Variants in SLC5A3 observed in about 807,000 individuals in gnomAD.
The protein encoded by SLC5A3 is sodium/myo-inositol cotransporter.
SLC5A3 carries 10 observed loss-of-function variants against 43.2 expected under a neutral mutation model. The observed-to-expected ratio is 0.23, with a 90% CI of 0.14 to 0.39. SLC5A3 has a LOEUF of 0.39. Ranked by LOEUF, SLC5A3 falls within the 10% of genes least tolerant of loss-of-function variation. The pLI, the probability that SLC5A3 is intolerant of heterozygous loss-of-function variation, is 1.00. For missense variants in SLC5A3, 608 were observed against 893.4 expected (o/e 0.68, Z 4.07); for synonymous variants, 349 against 322.0 (o/e 1.08, Z -0.90).
In SLC5A3 at chr21:34,103,875, TA is replaced by T. The variant is rs1185520599; in HGVS notation, c.*6521del. ...GCTAAAATGGGGTTTGAGGGCTTTT[TA>T]CTGCAACTTGAAACTGGAGAAATAG... On this transcript the variant is annotated 3_prime_UTR_variant, in exon 2 of 2. Coordinates refer to ENST00000381151, the MANE Select transcript of SLC5A3 (RefSeq NM_006933.7). 1 of 1,000,114 alleles carries T rather than the reference TA, an allele frequency of 1.0e-6. No homozygotes were observed. The highest frequency in any genetic ancestry group is 1.2e-6 in the Non-Finnish European group (1 of 829,968). The allele number at this position is 1,000,114 out of a possible 1,614,324, so 62.0% of individuals were successfully genotyped here. A position where few individuals can be genotyped will look rare whatever the true frequency, so the allele number is the denominator to read the frequency against.
Position 34,103,312 on chromosome 21 carries a change from A to G in SLC5A3, c.*5957A>G, listed in dbSNP as rs1202586254. 6 of 903,836 alleles carry G rather than the reference A, an allele frequency of 6.6e-6. No individual in the cohort carries two copies. Among genetic ancestry groups the G allele is most frequent in the Non-Finnish European group, 7.7e-6 (6 of 783,090 alleles). 56.0% of individuals were successfully genotyped at this position (903,836 alleles called of 1,614,324 possible). ...TAAATTTTGTCGTAACTAGTGAAGGAAGTAAAAAAAAAAAAAAAACATGCA... is the reference window on the plus strand; with the variant it reads ...TAAATTTTGTCGTAACTAGTGAAGGGAGTAAAAAAAAAAAAAAAACATGCA... On this transcript the variant is annotated 3_prime_UTR_variant, in exon 2 of 2. Transcript: ENST00000381151.
At position 34,095,956 on chromosome 21, in the gene SLC5A3, A is replaced by T; in HGVS notation, c.758A>T (p.Asn253Ile). ...PKKEALKMLR[N>I]PTDEDVPWPG... ...AAAGAAGCCCTGAAAATGCTGCGGA[A>T]TCCAACAGATGAAGATGTTCCTTGG... The change falls in exon 2 of 2, where the codon AAT becomes ATT. Residue 253 changes from asparagine to isoleucine, a missense_variant. Asn to Ile is a moderately radical substitution (Grantham distance 149). Transcript: ENST00000381151. The T allele has an allele frequency of 2.5e-6, 4 of 1,614,136 alleles. No individual in the cohort carries two copies. The highest frequency in any genetic ancestry group is 3.4e-6 in the Non-Finnish European group (4 of 1,180,002).
At chr21:34,080,860 G>A (rs1989443409) in intron 1 of SLC5A3, among the ~76,000 whole-genome samples, 1 of 152,188 alleles carries the variant, frequency 6.6e-6, no homozygotes, top group Admixed American at 6.5e-5. Context: ...TTGACCTCGT[G>A]CTAGTAGTTT....
In SLC5A3 at chr21:34,096,355, C is replaced by T; in HGVS notation, c.1157C>T (p.Ala386Val). The T allele has an allele frequency of 6.2e-7, 1 of 1,614,108 alleles. No homozygotes were observed. Among genetic ancestry groups the T allele is most frequent in the Non-Finnish European group, 8.5e-7 (1 of 1,180,006 alleles). ...GACTTAGACTCTATCTTTAACAGTG[C>T]CAGTACCATATTCACCCTCGATGTG... is the stretch of plus-strand genomic sequence containing the variant. ...MSDLDSIFNS[A>V]STIFTLDVYK... Residue 386 changes from alanine to valine, a missense_variant, in exon 2 of 2, where the codon GCC (alanine) becomes GTC (valine). Transcript: ENST00000381151. This position sits in a 1 kb window ranked among gnomAD's most constrained non-coding sequence, Gnocchi z 5.9.
At position 34,073,600 on chromosome 21, in the gene SLC5A3, C is replaced by G. The variant is rs951654758; in HGVS notation, c.-482C>G. 20 of 1,053,924 alleles carry G rather than the reference C, an allele frequency of 1.9e-5. No homozygotes were observed. The highest frequency in any genetic ancestry group is 4.7e-5 in the Admixed American group (2 of 42,390). 65.3% of individuals were successfully genotyped at this position (1,053,924 alleles called of 1,614,324 possible). A position where few individuals can be genotyped will look rare whatever the true frequency, so the allele number is the denominator to read the frequency against. On this transcript the variant is annotated 5_prime_UTR_variant, in exon 1 of 2. Coordinates refer to ENST00000381151, the MANE Select transcript of SLC5A3 (RefSeq NM_006933.7). ...CGTGCTTTCGCCGCCTGGGAGCCGT[C>G]CGGCGCAGCAGTTTCTAGGTCCCCA...
chr21:34,087,361 G>T (rs1978443820), intron 1 of SLC5A3, among the ~76,000 whole-genome samples: 2 of 152,154 alleles, frequency 1.3e-5, no homozygotes, highest in Non-Finnish European at 2.9e-5. Context: ...TGATGGCGAA[G>T]AACTTAGTTG....
intron 1 of SLC5A3, among the ~76,000 whole-genome samples, 168 bp from the exon 2 acceptor site, chr21:34,094,695 A>G (rs1978884785): frequency 6.6e-6 from 1 of 152,200 alleles, no homozygotes; most frequent in African/African-American, 2.4e-5. Flanking sequence ...ATCAGCTGTG[A>G]TCATATAGAT....
Position 34,102,727 on chromosome 21 carries a change from G to T in SLC5A3, c.*5372G>T. 1.0e-6 allele frequency: 1 copy of T among 1,000,146 alleles called. No individual in the cohort carries two copies. Among genetic ancestry groups the T allele is most frequent in the Non-Finnish European group, 1.2e-6 (1 of 829,898 alleles). The allele number at this position is 1,000,146 out of a possible 1,614,324, so 62.0% of individuals were successfully genotyped here. A position where few individuals can be genotyped will look rare whatever the true frequency, so the allele number is the denominator to read the frequency against. On this transcript the variant is annotated 3_prime_UTR_variant, in exon 2 of 2. Transcript: ENST00000381151. ...GAGCAAATCAAGACAAAACACAGTGGTCTCAGATTTTTCGTAGTGTGGGAA... is the reference window on the plus strand; with the variant it reads ...GAGCAAATCAAGACAAAACACAGTGTTCTCAGATTTTTCGTAGTGTGGGAA...
At position 34,098,414 on chromosome 21, in the gene SLC5A3, G is replaced by C. The variant is rs1335302499; in HGVS notation, c.*1059G>C. The C allele has an allele frequency of 3.0e-6, 3 of 1,000,092 alleles. No individual in the cohort carries two copies. The highest frequency in any genetic ancestry group is 3.6e-6 in the Non-Finnish European group (3 of 829,926). The allele number at this position is 1,000,092 out of a possible 1,614,324, so 62.0% of individuals were successfully genotyped here. A position where few individuals can be genotyped will look rare whatever the true frequency, so the allele number is the denominator to read the frequency against. On this transcript the variant is annotated 3_prime_UTR_variant, in exon 2 of 2. Coordinates refer to ENST00000381151, the MANE Select transcript of SLC5A3 (RefSeq NM_006933.7). ...TATATCAAGGTTGAATTTTTAGAGG[G>C]AAAATTTAATTCTGATATCTTATTG...
intron 1 of SLC5A3, among the ~76,000 whole-genome samples, chr21:34,091,755 G>T (rs1278094504): frequency 6.6e-6 from 1 of 152,130 alleles, no homozygotes; most frequent in Non-Finnish European, 1.5e-5. Flanking sequence ...AATCTGCTCT[G>T]TTTCAAAGCA....
At chr21:34,079,539 G>A (rs777450205) in intron 1 of SLC5A3, among the ~76,000 whole-genome samples, 52 of 149,866 alleles carry the variant, frequency 3.5e-4, no homozygotes, top group Non-Finnish European at 6.3e-4. Context: ...GGGTTCAAGC[G>A]ATTCTCATGT....
At chr21:34,075,716 C>T (rs1989314214) in intron 1 of SLC5A3, among the ~76,000 whole-genome samples, 1 of 152,180 alleles carries the variant, frequency 6.6e-6, no homozygotes, top group Non-Finnish European at 1.5e-5. Flanking sequence ...ACAATAGCTT[C>T]TCAGTTATTT....
rs1397609368 is a variant in SLC5A3, at chr21:34,095,243, G to A, written c.45G>A (p.Leu15=). ...CAGCAGACATTGCCATAGTGGCCCT[G>A]TATTTTATCCTGGTCATGTGCATTG... ...LDTADIAIVA[L]YFILVMCIGF... Residue 15 remains leucine (L), a synonymous_variant, in exon 2 of 2, where the codon CTG becomes CTA. Coordinates refer to ENST00000381151, the MANE Select transcript of SLC5A3 (RefSeq NM_006933.7). 1.6e-5 allele frequency: 26 copies of A among 1,613,858 alleles called. No homozygotes were observed. Among genetic ancestry groups the A allele is most frequent in the Non-Finnish European group, 2.2e-5 (26 of 1,179,804 alleles).
chr21:34,085,341 C>T (rs764685826), intron 1 of SLC5A3, among the ~76,000 whole-genome samples: 11 of 152,116 alleles, frequency 7.2e-5, no homozygotes, highest in Admixed American at 2.0e-4. Flanking sequence ...TGCATCACAC[C>T]GGGAGGCATA....
intron 1 of SLC5A3, among the ~76,000 whole-genome samples, chr21:34,090,584 GC>G (rs1395210139): frequency 6.6e-6 from 1 of 152,094 alleles, no homozygotes; most frequent in Non-Finnish European, 1.5e-5. Flanking sequence ...AATATGCCTT[GC>G]ACATAGTTGA....
In SLC5A3 at chr21:34,101,186, T is replaced by TA. The variant is rs1465663847; in HGVS notation, c.*3835dup. On this transcript the variant is annotated 3_prime_UTR_variant, in exon 2 of 2. Coordinates refer to ENST00000381151, the MANE Select transcript of SLC5A3 (RefSeq NM_006933.7). ...GGTGACACAGATATTAGCCCGTTGG[T>TA]AAAAGACAACAAATATTAGCTTAAA... The TA allele has an allele frequency of 2.0e-6, 2 of 1,000,022 alleles. No individual in the cohort carries two copies. The highest frequency in any genetic ancestry group is 5.2e-4 in the Middle Eastern group (1 of 1,938). The allele number at this position is 1,000,022 out of a possible 1,614,324, so 61.9% of individuals were successfully genotyped here.
rs372091977 is a variant in SLC5A3 at position 34,104,532 on chromosome 21, ACT to A, written c.*7180_*7181del. 4,613 of 998,376 alleles carry A rather than the reference ACT, an allele frequency of 4.6e-3. 18 individuals carry two copies. The highest frequency in any genetic ancestry group is 5.1e-3 in the South Asian group (108 of 21,240). The allele number at this position is 998,376 out of a possible 1,614,324, so 61.8% of individuals were successfully genotyped here. A position where few individuals can be genotyped will look rare whatever the true frequency, so the allele number is the denominator to read the frequency against. Reference sequence around the variant, plus strand: ...ATCCTTTTAGGGAAAGACTTGGTCAACTCTAATATATCTAGAAGGAAGACTAT... The same window carrying A: ...ATCCTTTTAGGGAAAGACTTGGTCAACTAATATATCTAGAAGGAAGACTAT... On this transcript the variant is annotated 3_prime_UTR_variant, in exon 2 of 2. Transcript: ENST00000381151.
intron 1 of SLC5A3, 113 bp downstream of exon 1, chr21:34,073,858 G>T (rs1256110084): frequency 1.3e-4 from 73 of 553,654 alleles, no homozygotes; most frequent in Non-Finnish European, 1.7e-4. Flanking sequence ...TGCACTCCTC[G>T]GAGGAGGCCG....
At chr21:34,088,531 A>G (rs1278106862) in intron 1 of SLC5A3, among the ~76,000 whole-genome samples, 1 of 152,210 alleles carries the variant, frequency 6.6e-6, no homozygotes, top group Non-Finnish European at 1.5e-5. Context: ...TTACATATCC[A>G]TCTTGTGTAT....
Sources: gnomAD v4.1 joint callset for allele counts (sites outside exome capture counted in the v4.1 genomes callset) on GRCh38, gnomAD v4.1.1 for gene constraint, Gnocchi (gnomAD v3.1) non-coding constraint, MANE v1.5 for transcripts, NCBI Gene and HGNC (gene_info 2026-07-23, HGNC 2026-07-21) for gene names.